DIAPH3: variants seen among roughly 807,000 people sequenced by gnomAD.
The protein encoded by DIAPH3 is diaphanous related formin 3.
In DIAPH3, 117 loss-of-function variants were observed where a neutral mutation model predicts 144.3. The ratio of observed to expected loss-of-function variants is 0.81; its 90% CI spans 0.70 to 0.95. The LOEUF (loss-of-function observed/expected upper bound fraction) is 0.95. Among genes scored for constraint, DIAPH3 ranks in the 40% least tolerant of loss-of-function variants. The pLI is 0.00. For synonymous variants in DIAPH3, 519 were observed against 488.9 expected, an observed-to-expected ratio of 1.06 and a Z score of -0.81; for missense variants, 1,421 against 1,412.7, an observed-to-expected ratio of 1.01 and a Z score of -0.09.
rs1442723778 is a variant in DIAPH3, at chr13:60,105,234, TTAAGA to T, written c.390+6771_390+6775del. On this transcript the variant is annotated intron_variant, in intron 3 of 27. Coordinates refer to ENST00000400324, the MANE Select transcript of DIAPH3 (RefSeq NM_001042517.2). ...ATAAAGGATAAAATGGTCATTTGAC[TTAAGA>T]TACAACTTTTTTCTTAAGGCCACCT... Among the ~76,000 whole-genome samples, 3 of 152,142 alleles carry T rather than the reference TTAAGA, an allele frequency of 2.0e-5. No homozygotes were observed. In the East Asian group the frequency reaches 5.8e-4, roughly 29 times the overall value.
chr13:59,925,533 G>A (rs917903782), intron 17 of DIAPH3, among the ~76,000 whole-genome samples: 4 of 152,058 alleles, frequency 2.6e-5, no homozygotes, highest in East Asian at 1.9e-4. Context: ...TTGGGTCCTC[G>A]TCTTGTCTTG....
intron 24 of DIAPH3, among the ~76,000 whole-genome samples, chr13:59,821,774 A>G (rs745382862): frequency 1.3e-5 from 2 of 152,192 alleles, no homozygotes; most frequent in Admixed American, 1.3e-4. Flanking sequence ...ACTGTTATCA[A>G]TGAAAATAGG....
intron 5 of DIAPH3, among the ~76,000 whole-genome samples, chr13:60,017,916 T>G (rs1181631387): frequency 1.3e-5 from 2 of 152,220 alleles, no homozygotes. Context: ...ACACAGATTA[T>G]CTGTAGGCAT....
At chr13:59,792,731 C>A (rs1009291344) in intron 25 of DIAPH3, among the ~76,000 whole-genome samples, 1 of 152,140 alleles carries the variant, frequency 6.6e-6, no homozygotes, top group African/African-American at 2.4e-5. Flanking sequence ...CTAGTTTAGA[C>A]TCTGTGGTGC....
In DIAPH3 at chr13:60,111,990, T is replaced by A; in HGVS notation, c.390+20A>T. 2 of 1,613,246 alleles carry A rather than the reference T, an allele frequency of 1.2e-6. No homozygotes were observed. The highest frequency in any genetic ancestry group is 1.7e-6 in the Non-Finnish European group (2 of 1,179,376). ...TAAGGCTTTTTCCTCAAACATTTCC[T>A]AAAGAATCAAAATTCTTACCATCAT... On this transcript the variant is annotated intron_variant, in intron 3 of 27. Transcript: ENST00000400324.
At chr13:59,805,969 T>C (rs1261346090) in intron 25 of DIAPH3, among the ~76,000 whole-genome samples, 1 of 152,010 alleles carries the variant, frequency 6.6e-6, no homozygotes, top group Non-Finnish European at 1.5e-5. Context: ...GAACAGGAAT[T>C]TAATTTACTG....
chr13:59,700,491 ACTTT>A (rs1246901201), intron 27 of DIAPH3, among the ~76,000 whole-genome samples: 38 of 152,164 alleles, frequency 2.5e-4, no homozygotes, highest in Admixed American at 2.2e-3. Flanking sequence ...TATTCTACGT[ACTTT>A]CTTTCATTTC....
chr13:59,729,080 G>A (rs368377232), intron 27 of DIAPH3, among the ~76,000 whole-genome samples: 17 of 152,220 alleles, frequency 1.1e-4, no homozygotes, highest in African/African-American at 3.9e-4. Context: ...GGAACTGCCT[G>A]TGACCAAGAC....
intron 9 of DIAPH3, among the ~76,000 whole-genome samples, chr13:59,993,442 AAT>A (rs2051970894): frequency 6.6e-6 from 1 of 151,752 alleles, no homozygotes; most frequent in South Asian, 2.1e-4. Context: ...ACTACTGATC[AAT>A]ATGTTTAACC....
chr13:60,124,800 C>A (rs1234494801), intron 2 of DIAPH3, among the ~76,000 whole-genome samples: 1 of 151,828 alleles, frequency 6.6e-6, no homozygotes, highest in Non-Finnish European at 1.5e-5. Flanking sequence ...TGTGTTTGCA[C>A]CACTGCCCTG....
At chr13:59,737,678 A>G (rs552620999) in intron 27 of DIAPH3, among the ~76,000 whole-genome samples, 57 of 152,192 alleles carry the variant, frequency 3.7e-4, no homozygotes, top group Non-Finnish European at 7.9e-4. Context: ...TTACTCTCTT[A>G]ACCTCACCTT....
At chr13:60,099,951 G>GGAAGGAAGGAAA (rs1305336634) in intron 3 of DIAPH3, among the ~76,000 whole-genome samples, 101 of 140,286 alleles carry the variant, frequency 7.2e-4, no homozygotes, top group African/African-American at 3.0e-3. Flanking sequence ...AAGGAAGGAA[G>GGAAGGAAGGAAA]GAAGGAAGGA....
intron 4 of DIAPH3, among the ~76,000 whole-genome samples, chr13:60,091,308 A>G (rs916090309): frequency 6.6e-6 from 1 of 152,162 alleles, no homozygotes; most frequent in African/African-American, 2.4e-5. Context: ...GTGATAGACT[A>G]TCGTCACACA....
At chr13:60,073,929 G>A (rs2057296251) in intron 4 of DIAPH3, among the ~76,000 whole-genome samples, 1 of 152,132 alleles carries the variant, frequency 6.6e-6, no homozygotes, top group African/African-American at 2.4e-5. Context: ...TCTGCACTGT[G>A]GCAAAATGAC....
intron 4 of DIAPH3, among the ~76,000 whole-genome samples, chr13:60,087,522 T>C (rs2057787290): frequency 1.3e-5 from 2 of 152,230 alleles, no homozygotes; most frequent in South Asian, 2.1e-4. Context: ...TAAAAAACTT[T>C]TGTTAGTCTT....
chr13:59,872,754 C>T (rs1211395482), intron 21 of DIAPH3, among the ~76,000 whole-genome samples: 3 of 152,264 alleles, frequency 2.0e-5, no homozygotes, highest in Middle Eastern at 3.4e-3. Flanking sequence ...TATTCACCTT[C>T]GGTGCTATCT....
intron 5 of DIAPH3, among the ~76,000 whole-genome samples, chr13:60,032,067 T>C (rs532226402): frequency 6.6e-6 from 1 of 152,298 alleles, no homozygotes; most frequent in East Asian, 1.9e-4. Context: ...TCTTCTTGAC[T>C]CTGTGTCCCA....
chr13:59,748,495 T>C (rs528382706), intron 27 of DIAPH3, among the ~76,000 whole-genome samples: 3 of 152,348 alleles, frequency 2.0e-5, no homozygotes, highest in African/African-American at 7.2e-5. Context: ...TGGTTGTTAA[T>C]AGTCTGAAAC....
rs1264038921 is a variant in DIAPH3 at position 59,856,081 on chromosome 13, A to C, written c.2737+5326T>G. Among the ~76,000 whole-genome samples the C allele has an allele frequency of 2.6e-5, 4 of 152,298 alleles. No individual in the cohort carries two copies. The East Asian group carries it at 7.7e-4, about 29-fold the overall frequency. ...TGCCTTAATATATCCTTATACATGTACTACTTTATGTTTCATGTCTACTCA... is the reference window on the plus strand; with the variant it reads ...TGCCTTAATATATCCTTATACATGTCCTACTTTATGTTTCATGTCTACTCA... On this transcript the variant is annotated intron_variant, in intron 22 of 27. Coordinates refer to ENST00000400324, the MANE Select transcript of DIAPH3 (RefSeq NM_001042517.2).
Sources: gnomAD v4.1 joint callset for allele counts (sites outside exome capture counted in the v4.1 genomes callset) on GRCh38, gnomAD v4.1.1 for gene constraint, MANE v1.5 for transcripts, NCBI Gene and HGNC (gene_info 2026-07-23, HGNC 2026-07-21) for gene names.